STK11: variants seen among roughly 807,000 people sequenced by gnomAD.
STK11 encodes the protein serine/threonine kinase 11.
A neutral mutation model predicts 47.3 loss-of-function variants in STK11; 8 were observed. The ratio of observed to expected loss-of-function variants is 0.17; its 90% confidence interval spans 0.10 to 0.31. The LOEUF (loss-of-function observed/expected upper bound fraction) is 0.31, where lower values mean the gene tolerates loss of function less well. Ranked by LOEUF, STK11 falls within the 10% of genes least tolerant of loss-of-function variation. The pLI is 1.00. For synonymous variants in STK11, 330 were observed against 255.8 expected (o/e 1.29, Z -2.77); for missense variants, 475 against 605.0 (o/e 0.79, Z 2.25).
rs528471301 is a variant in STK11 at position 1,219,925 on chromosome 19, C to T, written c.465-448C>T. The T allele has an allele frequency of 1.1e-4, 21 of 192,400 alleles. No homozygotes were observed. In the East Asian group the frequency reaches 1.7e-3, roughly 15 times the overall value. 11.9% of individuals were successfully genotyped at this position (192,400 alleles called of 1,614,324 possible). A position where few individuals can be genotyped will look rare whatever the true frequency, so the allele number is the denominator to read the frequency against. On this transcript the variant is annotated intron_variant, in intron 3 of 9. Coordinates refer to ENST00000326873, the MANE Select transcript of STK11 (RefSeq NM_000455.5). ...ACAGGCAGGGCTGCTGCCAACCTCCCGCCTCCATCTTTGCTGGGCCTGCTG... is the reference window on the plus strand; with the variant it reads ...ACAGGCAGGGCTGCTGCCAACCTCCTGCCTCCATCTTTGCTGGGCCTGCTG...
intron 3 of STK11, 112 bp downstream of exon 3, chr19:1,219,525 C>A: frequency 1.7e-6 from 2 of 1,209,100 alleles, no homozygotes; most frequent in Non-Finnish European, 2.3e-6. Flanking sequence ...CATGAAGGCC[C>A]AAGTTTTTTT....
chr19:1,227,556 C>T, intron 9 of STK11, 37 bp from the exon 10 acceptor site: 1 of 1,063,098 alleles, frequency 9.4e-7, no homozygotes, highest in Non-Finnish European at 1.1e-6. Flanking sequence ...GAACCGGTGC[C>T]CAGGCTGACC....
chr19:1,221,564 G>A (rs953964332), intron 6 of STK11: 2 of 704,386 alleles, frequency 2.8e-6, no homozygotes, highest in African/African-American at 1.8e-5. Flanking sequence ...CACCCCAGAG[G>A]GCAGTGCTGC....
At position 1,219,543 on chromosome 19, in the gene STK11, T is replaced by G. The variant is rs575801833; in HGVS notation, c.464+130T>G. 732 of 959,560 alleles carry G rather than the reference T, an allele frequency of 7.6e-4. 5 individuals carry two copies. The East Asian group carries it at 0.017, about 22-fold the overall frequency. The allele number at this position is 959,560 out of a possible 1,614,324, so 59.4% of individuals were successfully genotyped here. A position where few individuals can be genotyped will look rare whatever the true frequency, so the allele number is the denominator to read the frequency against. ...GAAGGCCCAAGTTTTTTTGTTTTTT[T>G]GTTTTTTTGTGTTTTTTTTCGAGAT... On this transcript the variant is annotated intron_variant, in intron 3 of 9. Transcript: ENST00000326873.
chr19:1,212,510 C>G (rs1307164387), intron 1 of STK11, among the ~76,000 whole-genome samples: 1 of 152,070 alleles, frequency 6.6e-6, no homozygotes, highest in Non-Finnish European at 1.5e-5. Flanking sequence ...CCTGGGCCTC[C>G]CAGAGTGCTG....
In STK11 at chr19:1,220,475, C is replaced by T. The variant is rs2145424574; in HGVS notation, c.567C>T (p.Thr189=). Residue 189 remains threonine, a synonymous_variant, in exon 4 of 10, where the codon ACC becomes ACT. Coordinates refer to ENST00000326873, the MANE Select transcript of STK11 (RefSeq NM_000455.5). The part of the protein sequence containing the change: ...PGNLLLTTGG[T]LKISDLGVAE... ...ACCTGCTGCTCACCACCGGTGGCAC[C>T]CTCAAAATCTCCGACCTGGGCGTGG... is the stretch of plus-strand genomic sequence containing the variant. 6.2e-7 allele frequency: 1 copy of T among 1,607,108 alleles called. No individual in the cohort carries two copies.
chr19:1,214,059 C>T (rs1322906898), intron 1 of STK11, among the ~76,000 whole-genome samples: 1 of 152,274 alleles, frequency 6.6e-6, no homozygotes, highest in Non-Finnish European at 1.5e-5. Flanking sequence ...CAGTAGGCCC[C>T]TAACGTGGCA....
chr19:1,206,905 G>A lies in STK11; in HGVS notation c.-9G>A, dbSNP rs770466669. On this transcript the variant is annotated 5_prime_UTR_variant, in exon 1 of 10. Coordinates refer to ENST00000326873, the MANE Select transcript of STK11 (RefSeq NM_000455.5). ...GCTGGCGGCGGGACTCCAGGACCCTGGGTCCAGCATGGAGGTGGTGGACCC... is the reference window on the plus strand; with the variant it reads ...GCTGGCGGCGGGACTCCAGGACCCTAGGTCCAGCATGGAGGTGGTGGACCC... 1.1e-5 allele frequency: 17 copies of A among 1,566,062 alleles called. No homozygotes were observed. The highest frequency in any genetic ancestry group is 2.4e-5 in the East Asian group (1 of 42,126).
chr19:1,226,014 C>T lies in STK11; in HGVS notation c.1109-440C>T, dbSNP rs915002091. Reference sequence around the variant, plus strand: ...CTGTGCTGGCATTTCGCGTGCCTGGCCTGAGCCTGGCCCGAGCCTGGCCCT... The same window carrying T: ...CTGTGCTGGCATTTCGCGTGCCTGGTCTGAGCCTGGCCCGAGCCTGGCCCT... On this transcript the variant is annotated intron_variant, in intron 8 of 9. Coordinates refer to ENST00000326873, the MANE Select transcript of STK11 (RefSeq NM_000455.5). 2.3e-5 allele frequency: 23 copies of T among 1,012,254 alleles called. No individual in the cohort carries two copies. In the African/African-American group the frequency reaches 3.5e-4, roughly 15 times the overall value. 62.7% of individuals were successfully genotyped at this position (1,012,254 alleles called of 1,614,324 possible). A position where few individuals can be genotyped will look rare whatever the true frequency, so the allele number is the denominator to read the frequency against.
intron 8 of STK11, chr19:1,225,295 CAG>C (rs759233021): frequency 1.5e-3 from 1,463 of 978,782 alleles, no homozygotes; most frequent in Admixed American, 3.8e-3. Flanking sequence ...TTTTTGGAGA[CAG>C]AGTCTTGCTC....
rs746063656 is a variant in STK11 at position 1,221,351 on chromosome 19, C to T, written c.862+11C>T. The T allele has an allele frequency of 9.4e-6, 15 of 1,599,254 alleles. No individual in the cohort carries two copies. Among genetic ancestry groups the T allele is most frequent in the Non-Finnish European group, 1.3e-5 (15 of 1,171,698 alleles). On this transcript the variant is annotated intron_variant, in intron 6 of 9. Transcript: ENST00000326873. ...CTGACCTGCTGAAAGGTGGGAGCCTCATCCCTCTGCCCGCAGCCCCAGGGA... is the reference window on the plus strand; with the variant it reads ...CTGACCTGCTGAAAGGTGGGAGCCTTATCCCTCTGCCCGCAGCCCCAGGGA...
rs138715139 is a variant in STK11 at position 1,225,201 on chromosome 19, C to A, written c.1109-1253C>A. 6.5e-3 allele frequency: 6,440 copies of A among 985,336 alleles called. 30 individuals carry two copies. The highest frequency in any genetic ancestry group is 0.011 in the Middle Eastern group (21 of 1,912). 61.0% of individuals were successfully genotyped at this position (985,336 alleles called of 1,614,324 possible). ...GGGGCACCTTGTCCACAGGGTCTGCCCCACCAGAGACGGGCTGGGCCCAAG... is the reference window on the plus strand; with the variant it reads ...GGGGCACCTTGTCCACAGGGTCTGCACCACCAGAGACGGGCTGGGCCCAAG... On this transcript the variant is annotated intron_variant, in intron 8 of 9. Coordinates refer to ENST00000326873, the MANE Select transcript of STK11 (RefSeq NM_000455.5).
At position 1,223,187 on chromosome 19, in the gene STK11, G is replaced by C; in HGVS notation, c.1108+15G>C. 1 of 1,605,116 alleles carries C rather than the reference G, an allele frequency of 6.2e-7. No homozygotes were observed. Among genetic ancestry groups the C allele is most frequent in the Non-Finnish European group, 8.5e-7 (1 of 1,177,306 alleles). On this transcript the variant is annotated intron_variant, in intron 8 of 9. Transcript: ENST00000326873. ...CACGGTGCCCGGTGAGTCTGGCGGG[G>C]GCCCCTGCCCGGCTCTGCTGACTCG...
At chr19:1,224,656 C>T in intron 8 of STK11, 2 of 985,700 alleles carry the variant, frequency 2.0e-6, no homozygotes, top group Middle Eastern at 5.2e-4. Context: ...CCTGGGGACC[C>T]TCAGGCCTGT....
At chr19:1,221,482 C>T (rs572679790) in intron 6 of STK11, 142 bp downstream of exon 6, 4 of 1,315,220 alleles carry the variant, frequency 3.0e-6, no homozygotes, top group Non-Finnish European at 4.0e-6. Context: ...AGGCCGACCT[C>T]CCCGCAGGGC....
chr19:1,222,014 GC>G lies in STK11; in HGVS notation c.920+12del. On this transcript the variant is annotated intron_variant, in intron 7 of 9. Transcript: ENST00000326873. ...GCAGATCCGGCAGCACAGGTGAGCG[GC>G]CCCTGGGGGCAGTGGGGCCGAGGCT... 6.4e-7 allele frequency: 1 copy of G among 1,564,996 alleles called. No homozygotes were observed. The highest frequency in any genetic ancestry group is 8.7e-7 in the Non-Finnish European group (1 of 1,155,552).
chr19:1,213,618 G>A (rs915362504), intron 1 of STK11, among the ~76,000 whole-genome samples: 1 of 152,228 alleles, frequency 6.6e-6, no homozygotes, highest in Non-Finnish European at 1.5e-5. Context: ...TGCTGTTCAC[G>A]GCTGCGTCAC....
intron 1 of STK11, among the ~76,000 whole-genome samples, chr19:1,209,107 C>T (rs1038904087): frequency 2.0e-5 from 3 of 151,974 alleles, no homozygotes; most frequent in Admixed American, 2.0e-4. Context: ...TGGCCAGTGC[C>T]TTGAGTCAGT....
At chr19:1,208,600 G>T (rs1160878484) in intron 1 of STK11, among the ~76,000 whole-genome samples, 1 of 138,250 alleles carries the variant, frequency 7.2e-6, no homozygotes, top group Non-Finnish European at 1.5e-5. Context: ...GAGTCAACGC[G>T]TGCGGCCTTT....
Sources: allele counts gnomAD v4.1 joint callset (sites outside exome capture counted in the v4.1 genomes callset), GRCh38; gene constraint gnomAD v4.1.1; transcripts MANE v1.5; gene names NCBI Gene and HGNC (gene_info 2026-07-23, HGNC 2026-07-21).